KRT4: variants seen among roughly 807,000 people sequenced by gnomAD.
The protein encoded by KRT4 is keratin, type II cytoskeletal 4.
A neutral mutation model predicts 50.6 loss-of-function variants in KRT4; 47 were observed. The ratio of observed to expected loss-of-function variants is 0.93; its 90% CI spans 0.73 to 1.18. The LOEUF (loss-of-function observed/expected upper bound fraction) is 1.18. Ranked by LOEUF, KRT4 falls within the 50% of genes most tolerant of loss-of-function variation. KRT4 has a pLI of 0.00. For synonymous variants in KRT4, 254 were observed against 251.2 expected (o/e 1.01, Z -0.10); for missense variants, 651 against 645.7 (o/e 1.01, Z -0.09).
rs1382038650 is a variant in KRT4 at position 52,807,209 on chromosome 12, C to T, written c.1423G>A (p.Gly475Arg). The part of the protein sequence containing the change: ...GSTSTGGISG[G>R]LGSGSGFGLS... Reference sequence around the variant, plus strand: ...CCAAACCCGGAGCCACTTCCTAATCCTCCGCTGATGCCTCCAGTGCTGGTG... The same window carrying T: ...CCAAACCCGGAGCCACTTCCTAATCTTCCGCTGATGCCTCCAGTGCTGGTG... Residue 475 changes from glycine to arginine, a missense_variant, in exon 9 of 9, where the codon GGA (glycine) becomes AGA (arginine). Physicochemically the swap from Gly to Arg is moderately radical, Grantham distance 125. Coordinates refer to ENST00000551956, the MANE Select transcript of KRT4 (RefSeq NM_002272.4). 1.2e-6 allele frequency: 2 copies of T among 1,614,212 alleles called. No homozygotes were observed. Among genetic ancestry groups the T allele is most frequent in the African/African-American group, 1.3e-5 (1 of 75,048 alleles).
intron 6 of KRT4, 53 bp downstream of exon 6, chr12:52,808,241 G>T: frequency 1.2e-6 from 2 of 1,608,410 alleles, no homozygotes; most frequent in Non-Finnish European, 1.7e-6. Context: ...CTCTGGAGAT[G>T]TCTGCCTGAG....
chr12:52,811,279 T>G (rs1202817650), intron 2 of KRT4, among the ~76,000 whole-genome samples: 1 of 152,232 alleles, frequency 6.6e-6, no homozygotes, highest in Non-Finnish European at 1.5e-5. Flanking sequence ...CTCTGTGTCC[T>G]GAAATATGCC....
chr12:52,810,325 A>T (rs1592310456), intron 3 of KRT4, among the ~76,000 whole-genome samples: 1 of 152,150 alleles, frequency 6.6e-6, no homozygotes, highest in Admixed American at 6.6e-5. Context: ...AGGCAGGCGG[A>T]TGACCTGAGG....
intron 2 of KRT4, chr12:52,811,062 A>C: frequency 6.0e-6 from 3 of 501,210 alleles, no homozygotes; most frequent in Non-Finnish European, 7.2e-6. Flanking sequence ...TTCGATAGAA[A>C]ACCCAGCAAT....
rs1470717866 is a variant in KRT4 at position 52,810,764 on chromosome 12, G to A, written c.730C>T (p.Leu244=). Residue 244 remains leucine (L), a synonymous_variant, in exon 3 of 9, where the codon CTA becomes TTA. Transcript: ENST00000551956. ...CATCCTTCGTCTCTTACCTTCTTTA[G>A]GACCACAAAGTCATTCTCGGCTGCT... The part of the protein sequence containing the change: ...RTAAENDFVV[L]KKDVDAAYLN... 6.2e-7 allele frequency: 1 copy of A among 1,614,032 alleles called. No homozygotes were observed. Among genetic ancestry groups the A allele is most frequent in the Non-Finnish European group, 8.5e-7 (1 of 1,179,928 alleles).
intron 3 of KRT4, among the ~76,000 whole-genome samples, chr12:52,810,011 A>T (rs992119547): frequency 3.5e-4 from 54 of 152,328 alleles, no homozygotes; most frequent in Admixed American, 1.6e-3. Context: ...GCACAGAAAG[A>T]CAAATAACAC....
chr12:52,808,561 G>A (rs191600674), intron 5 of KRT4, 125 bp downstream of exon 5: 33 of 1,472,300 alleles, frequency 2.2e-5, no homozygotes, highest in Admixed American at 1.0e-4. Flanking sequence ...CAGGACCAAC[G>A]ATGCCTGGGA....
chr12:52,808,661 C>A (rs1939851759), intron 5 of KRT4, 25 bp downstream of exon 5: 2 of 1,613,578 alleles, frequency 1.2e-6, no homozygotes, highest in Non-Finnish European at 1.7e-6. Flanking sequence ...CCAGCCCCAT[C>A]TCCTGAGAGA....
At chr12:52,810,151 A>G (rs576323424) in intron 3 of KRT4, among the ~76,000 whole-genome samples, 1 of 152,356 alleles carries the variant, frequency 6.6e-6, no homozygotes, top group South Asian at 2.1e-4. Flanking sequence ...CTTATTGGAT[A>G]TAATGTATGT....
Position 52,809,415 on chromosome 12 carries a change from C to T in KRT4, c.802G>A (p.Glu268Lys), listed in dbSNP as rs376047865. Reference protein sequence around the residue: ...LEAKVDSLNDEINFLKVLYDA... With the variant: ...LEAKVDSLNDKINFLKVLYDA... ...TAGAGGACCTTCAGGAAGTTGATCTCGTCATTAAGACTGTCCACCTTGGCC... is the reference window on the plus strand; with the variant it reads ...TAGAGGACCTTCAGGAAGTTGATCTTGTCATTAAGACTGTCCACCTTGGCC... Residue 268 changes from glutamate to lysine, a missense_variant, in exon 4 of 9, where the codon GAG becomes AAG. Glu to Lys is a moderately conservative substitution (Grantham distance 56). Coordinates refer to ENST00000551956, the MANE Select transcript of KRT4 (RefSeq NM_002272.4). 4.3e-6 allele frequency: 7 copies of T among 1,614,076 alleles called. No homozygotes were observed. The Admixed American group carries it at 5.0e-5, about 12-fold the overall frequency.
rs764480281 is a variant in KRT4, at chr12:52,811,836, A to G, written c.604T>C (p.Leu202=). The change falls in exon 2 of 9, where the codon TTG becomes CTG. Residue 202 remains leucine, a synonymous_variant. Transcript: ENST00000551956. The part of the protein sequence containing the change: ...LSVLRKQLDT[L]GNDKGRLQSE... ...TGCAGGCGCCCTTTGTCATTGCCCA[A>G]GGTATCTAGCTGCTTCCTCAGGACA... The G allele has an allele frequency of 6.2e-7, 1 of 1,614,022 alleles. No homozygotes were observed. Among genetic ancestry groups the G allele is most frequent in the South Asian group, 1.1e-5 (1 of 91,060 alleles).
At position 52,811,953 on chromosome 12, in the gene KRT4, T is replaced by C; in HGVS notation, c.487A>G (p.Lys163Glu). Residue 163 changes from lysine (K) to glutamate (E), a missense_variant, in exon 2 of 9, where the codon AAG (lysine) becomes GAG (glutamate). Coordinates refer to ENST00000551956, the MANE Select transcript of KRT4 (RefSeq NM_002272.4). Reference protein sequence around the residue: ...DKVQFLEQQNKVLETKWNLLQ... With the variant: ...DKVQFLEQQNEVLETKWNLLQ... ...AGGTTCCATTTGGTCTCCAGGACCT[T>C]ATTCTGTTGCTCTAAGAACTGCACC... is the stretch of plus-strand genomic sequence containing the variant. 1 of 1,613,792 alleles carries C rather than the reference T, an allele frequency of 6.2e-7. No individual in the cohort carries two copies. The highest frequency in any genetic ancestry group is 8.5e-7 in the Non-Finnish European group (1 of 1,179,948).
In KRT4 at chr12:52,808,336, C is replaced by T. The variant is rs1410716519; in HGVS notation, c.1083G>A (p.Met361Ile). 6.2e-7 allele frequency: 1 copy of T among 1,614,038 alleles called. No individual in the cohort carries two copies. Among genetic ancestry groups the T allele is most frequent in the Non-Finnish European group, 8.5e-7 (1 of 1,180,050 alleles). Residue 361 changes from methionine to isoleucine, a missense_variant, in exon 6 of 9, where the codon ATG (methionine) becomes ATA (isoleucine). Transcript: ENST00000551956. ...TKSEIAELNR[M>I]IQRLRAEIEN... is the part of the protein sequence containing the mutation. Reference sequence around the variant, plus strand: ...CGATCTCTGCCCGCAGCCTCTGGATCATCCTGTTGAGCTCTGCAATTTCAC... The same window carrying T: ...CGATCTCTGCCCGCAGCCTCTGGATTATCCTGTTGAGCTCTGCAATTTCAC...
chr12:52,807,652 C>T lies in KRT4; in HGVS notation c.1338G>A (p.Glu446=), dbSNP rs754216963. 1 of 1,613,846 alleles carries T rather than the reference C, an allele frequency of 6.2e-7. No homozygotes were observed. Among genetic ancestry groups the T allele is most frequent in the Admixed American group, 1.7e-5 (1 of 60,032 alleles). The change falls in exon 7 of 9, where the codon GAG becomes GAA. Residue 446 remains glutamate, a synonymous_variant. Coordinates refer to ENST00000551956, the MANE Select transcript of KRT4 (RefSeq NM_002272.4). ...CCTGCCTAACCCCTCACCTGTACTC[C>T]TCGCCCTCCAGCAGTTTGCGGTAGG... ...IATYRKLLEG[E]EYRMSGECQS...
In KRT4 at chr12:52,806,772, A is replaced by C. The variant is rs1361294301; in HGVS notation, c.*297T>G. On this transcript the variant is annotated 3_prime_UTR_variant, in exon 9 of 9. Coordinates refer to ENST00000551956, the MANE Select transcript of KRT4 (RefSeq NM_002272.4). Reference sequence around the variant, plus strand: ...ATATGTGACCCCAATAATTCTGGAGATGACACTCCTGGTCATTTTCTTCTC... The same window carrying C: ...ATATGTGACCCCAATAATTCTGGAGCTGACACTCCTGGTCATTTTCTTCTC... 4.2e-6 allele frequency: 2 copies of C among 479,778 alleles called. No individual in the cohort carries two copies. The highest frequency in any genetic ancestry group is 8.0e-5 in the East Asian group (2 of 25,012). 29.7% of individuals were successfully genotyped at this position (479,778 alleles called of 1,614,324 possible). A position where few individuals can be genotyped will look rare whatever the true frequency, so the allele number is the denominator to read the frequency against.
At chr12:52,811,113 G>A (rs1939903527) in intron 2 of KRT4, among the ~76,000 whole-genome samples, 2 of 152,120 alleles carry the variant, frequency 1.3e-5, no homozygotes, top group South Asian at 4.1e-4. Context: ...CTGTCCTTTT[G>A]GCCATTTTGG....
intron 3 of KRT4, among the ~76,000 whole-genome samples, chr12:52,809,928 G>T (rs1408955332): frequency 6.6e-6 from 1 of 152,130 alleles, no homozygotes; most frequent in Non-Finnish European, 1.5e-5. Flanking sequence ...GCCATAAAAA[G>T]AGAATGAAAT....
rs368765130 is a variant in KRT4, at chr12:52,813,600, G to A, written c.459C>T (p.Asp153=). 3.3e-5 allele frequency: 54 copies of A among 1,613,530 alleles called. No homozygotes were observed. Among genetic ancestry groups the A allele is most frequent in the Non-Finnish European group, 4.6e-5 (54 of 1,179,714 alleles). Residue 153 remains aspartate (D), a synonymous_variant, in exon 1 of 9, where the codon GAC becomes GAT. Coordinates refer to ENST00000551956, the MANE Select transcript of KRT4 (RefSeq NM_002272.4). ...TCCAGCCGAGGACACAGCTCACCTT[G>A]TCGATGAAGGAGGCAAACTTGTTGT... ...LLNNKFASFI[D]KVQFLEQQNK...
Position 52,813,675 on chromosome 12 carries a change from A to G in KRT4, c.384T>C (p.Pro128=). 3 of 1,614,104 alleles carry G rather than the reference A, an allele frequency of 1.9e-6. No homozygotes were observed. Among genetic ancestry groups the G allele is most frequent in the Non-Finnish European group, 2.5e-6 (3 of 1,179,970 alleles). The change falls in exon 1 of 9, where the codon CCT becomes CCC. Residue 128 remains proline (P), a synonymous_variant. Transcript: ENST00000551956. The part of the protein sequence containing the change: ...LLTPLHVEID[P]EIQKVRTEER... ...CTTCCGTCCGGACTTTCTGGATCTCAGGGTCAATCTCCACGTGGAGGGGGG... is the reference window on the plus strand; with the variant it reads ...CTTCCGTCCGGACTTTCTGGATCTCGGGGTCAATCTCCACGTGGAGGGGGG...
Sources: gnomAD v4.1 joint callset for allele counts (sites outside exome capture counted in the v4.1 genomes callset) on GRCh38, gnomAD v4.1.1 for gene constraint, MANE v1.5 for transcripts, NCBI Gene and HGNC (gene_info 2026-07-23, HGNC 2026-07-21) for gene names.